Variants in B3GALT1 observed in about 807,000 individuals in gnomAD.
B3GALT1 encodes beta-1,3-galactosyltransferase 1.
Under a neutral mutation model 23.2 loss-of-function variants are expected in B3GALT1, and 10 were observed. The observed-to-expected ratio is 0.43, with a 90% confidence interval of 0.27 to 0.73. The LOEUF (loss-of-function observed/expected upper bound fraction) is 0.73. B3GALT1 is among the 30% of genes least tolerant of loss of function. The pLI is 0.21. For synonymous variants in B3GALT1, 156 were observed against 141.5 expected (o/e 1.10, Z -0.73); for missense variants, 299 against 405.4 (o/e 0.74, Z 2.25).
chr2:167,812,788 T>C (rs1558987783), intron 3 of B3GALT1, among the ~76,000 whole-genome samples: 1 of 152,180 alleles, frequency 6.6e-6, no homozygotes, highest in Non-Finnish European at 1.5e-5. Context: ...TTTTTAGGGC[T>C]CCAGGCTACA....
intron 2 of B3GALT1, among the ~76,000 whole-genome samples, chr2:167,613,403 ATTGTT>A (rs1685104389): frequency 6.6e-6 from 1 of 151,738 alleles, no homozygotes; most frequent in African/African-American, 2.4e-5. Context: ...CATGGTATGT[ATTGTT>A]AAGTCAACAA....
chr2:167,505,081 G>A (rs889061204), intron 2 of B3GALT1, among the ~76,000 whole-genome samples: 7 of 152,158 alleles, frequency 4.6e-5, no homozygotes, highest in African/African-American at 1.7e-4. Flanking sequence ...TGTATGATAT[G>A]CTACCATCTG....
At chr2:167,594,091 A>G (rs1290638911) in intron 2 of B3GALT1, among the ~76,000 whole-genome samples, 1 of 152,202 alleles carries the variant, frequency 6.6e-6, no homozygotes, top group Non-Finnish European at 1.5e-5. Context: ...ATAGCCACTT[A>G]ATTACAGGTG....
rs1011548391 is a variant in B3GALT1 at position 167,868,891 on chromosome 2, G to A, written c.-149G>A. 4.6e-6 allele frequency: 4 copies of A among 870,472 alleles called. No homozygotes were observed. The African/African-American group carries it at 6.7e-5, about 15-fold the overall frequency. The allele number at this position is 870,472 out of a possible 1,614,324, so 53.9% of individuals were successfully genotyped here. ...AGAATGAGCGCAGAGGTGACAGACA[G>A]CCACTGAGGCCCATGGACAATCTCC... On this transcript the variant is annotated 5_prime_UTR_variant, in exon 5 of 5. Transcript: ENST00000392690.
chr2:167,319,961 T>C (rs917197997), intron 1 of B3GALT1, among the ~76,000 whole-genome samples: 3 of 152,060 alleles, frequency 2.0e-5, no homozygotes, highest in African/African-American at 4.8e-5. Flanking sequence ...TAGTTATTAC[T>C]TACATACCTC....
intron 3 of B3GALT1, among the ~76,000 whole-genome samples, chr2:167,746,600 G>A (rs1382313317): frequency 6.6e-6 from 1 of 152,196 alleles, no homozygotes; most frequent in Non-Finnish European, 1.5e-5. Context: ...TGACAATGGA[G>A]CCGCTGTCCC....
intron 3 of B3GALT1, among the ~76,000 whole-genome samples, chr2:167,647,733 C>G (rs1172440361): frequency 2.0e-5 from 3 of 152,102 alleles, no homozygotes; most frequent in Admixed American, 1.3e-4. Context: ...TTTTCCCAGT[C>G]ACTCAATTTT....
chr2:167,763,507 A>G (rs1315083772), intron 3 of B3GALT1, among the ~76,000 whole-genome samples: 1 of 152,042 alleles, frequency 6.6e-6, no homozygotes, highest in Non-Finnish European at 1.5e-5. Flanking sequence ...AGCCTCCTCT[A>G]TGTCCAACAG....
chr2:167,512,592 GTGTATATATATATA>G (rs1259749757), intron 2 of B3GALT1, among the ~76,000 whole-genome samples: 4 of 39,608 alleles, frequency 1.0e-4, no homozygotes, highest in South Asian at 1.1e-3. Context: ...ATATATATAT[GTGTATATATATATA>G]TGTATATATA....
At chr2:167,419,766 G>T (rs1341429502) in intron 1 of B3GALT1, among the ~76,000 whole-genome samples, 1 of 152,246 alleles carries the variant, frequency 6.6e-6, no homozygotes, top group East Asian at 1.9e-4. Flanking sequence ...ATTTTCAGTG[G>T]CTGTTTACTT....
At chr2:167,551,559 G>A (rs147569712) in intron 2 of B3GALT1, among the ~76,000 whole-genome samples, 14 of 152,182 alleles carry the variant, frequency 9.2e-5, no homozygotes, top group Non-Finnish European at 1.5e-4. Context: ...CAGAAATGTC[G>A]TGCCAGGAAA....
chr2:167,714,441 C>T (rs570434564), intron 3 of B3GALT1: 1 of 1,585,934 alleles, frequency 6.3e-7, no homozygotes, highest in Admixed American at 1.7e-5. Flanking sequence ...AGTGGATCCT[C>T]CAACAAAGTT....
chr2:167,420,637 C>T (rs1054402155), intron 1 of B3GALT1, among the ~76,000 whole-genome samples: 1 of 152,162 alleles, frequency 6.6e-6, no homozygotes, highest in Non-Finnish European at 1.5e-5. Flanking sequence ...ATTTAAATTA[C>T]CTCATGCCTA....
intron 3 of B3GALT1, among the ~76,000 whole-genome samples, chr2:167,796,719 C>G (rs902991954): frequency 2.0e-5 from 3 of 151,918 alleles, no homozygotes; most frequent in Non-Finnish European, 4.4e-5. Context: ...CCACTGCACT[C>G]CAGCCTGGGT....
intron 2 of B3GALT1, among the ~76,000 whole-genome samples, chr2:167,550,484 T>C (rs953690130): frequency 1.3e-5 from 2 of 152,168 alleles, no homozygotes; most frequent in Admixed American, 6.5e-5. Context: ...TGATAACAAC[T>C]GGGAAGGTAG....
At chr2:167,354,462 T>A (rs1291525734) in intron 1 of B3GALT1, among the ~76,000 whole-genome samples, 1 of 151,430 alleles carries the variant, frequency 6.6e-6, no homozygotes, top group Non-Finnish European at 1.5e-5. Context: ...TTCTCCTGCC[T>A]CAGCCTCCTG....
chr2:167,734,466 G>A (rs1165538947), intron 3 of B3GALT1, among the ~76,000 whole-genome samples: 1 of 152,100 alleles, frequency 6.6e-6, no homozygotes, highest in Non-Finnish European at 1.5e-5. Flanking sequence ...GAGTGTGTGG[G>A]AACACAGAGA....
At chr2:167,832,429 A>T (rs1689371809) in intron 4 of B3GALT1, among the ~76,000 whole-genome samples, 2 of 152,198 alleles carry the variant, frequency 1.3e-5, no homozygotes, top group South Asian at 4.1e-4. Context: ...CCCCCAGCAA[A>T]ATGACACCAT....
intron 2 of B3GALT1, among the ~76,000 whole-genome samples, chr2:167,567,146 T>A (rs2105397029): frequency 6.6e-6 from 1 of 152,280 alleles, no homozygotes; most frequent in Non-Finnish European, 1.5e-5. Context: ...TCTCCTTCTC[T>A]TTTTCTTGAA....
Sources: allele counts gnomAD v4.1 joint callset (sites outside exome capture counted in the v4.1 genomes callset), GRCh38; gene constraint gnomAD v4.1.1; transcripts MANE v1.5; gene names NCBI Gene and HGNC (gene_info 2026-07-23, HGNC 2026-07-21).